GNE: variants seen among roughly 807,000 people sequenced by gnomAD.
GNE encodes bifunctional UDP-N-acetylglucosamine 2-epimerase/N-acetylmannosamine kinase.
A neutral mutation model predicts 61.8 loss-of-function variants in GNE; 41 were observed. That is an observed-to-expected ratio of 0.66 (90% confidence interval 0.52 to 0.86). The LOEUF is 0.86. GNE is among the 40% of genes least tolerant of loss of function. The pLI, the probability that GNE is intolerant of heterozygous loss-of-function variation, is 0.00. For synonymous variants in GNE, 264 were observed against 326.4 expected (o/e 0.81, Z 2.06); for missense variants, 608 against 909.1 (o/e 0.67, Z 4.26).
intron 1 of GNE, chr9:36,264,963 C>T (rs1830723203): frequency 5.2e-6 from 1 of 193,654 alleles, no homozygotes; most frequent in Non-Finnish European, 1.1e-5. Flanking sequence ...TCTTCTGGTC[C>T]GTGTTTGTAC....
At position 36,222,154 on chromosome 9, in the gene GNE, C is replaced by T. The variant is rs1274441951; in HGVS notation, c.1633+623G>A. Among the ~76,000 whole-genome samples, 3 of 152,058 alleles carry T rather than the reference C, an allele frequency of 2.0e-5. No individual in the cohort carries two copies. The East Asian group carries it at 5.8e-4, about 29-fold the overall frequency. Reference sequence around the variant, plus strand: ...AACATTTCGGCCGGGCGCGGTGGCTCACGCCTGTAATCCCAGCACTTTGGG... The same window carrying T: ...AACATTTCGGCCGGGCGCGGTGGCTTACGCCTGTAATCCCAGCACTTTGGG... On this transcript the variant is annotated intron_variant, in intron 9 of 11. Coordinates refer to ENST00000642385, the MANE Select transcript of GNE (RefSeq NM_005476.7).
rs34395954 is a variant in GNE at position 36,219,156 on chromosome 9, C to T, written c.1816+682G>A. Among the ~76,000 whole-genome samples, 434 of 152,282 alleles carry T rather than the reference C, an allele frequency of 2.8e-3. 1 individual carries two copies. Among genetic ancestry groups the T allele is most frequent in the Non-Finnish European group, 4.8e-3 (324 of 68,022 alleles). On this transcript the variant is annotated intron_variant, in intron 10 of 11. Transcript: ENST00000642385. ...TCTATACCTTCACCACCTTCCCAGTCCTTCTACCCCCACTGCCAACAGACG... is the reference window on the plus strand; with the variant it reads ...TCTATACCTTCACCACCTTCCCAGTTCTTCTACCCCCACTGCCAACAGACG...
rs143985783 is a variant in GNE, at chr9:36,234,247, T to C, written c.770-115A>G. 8,408 of 804,684 alleles carry C rather than the reference T, an allele frequency of 0.01. 66 individuals carry two copies. The highest frequency in any genetic ancestry group is 0.015 in the Non-Finnish European group (6,903 of 464,266). 49.8% of individuals were successfully genotyped at this position (804,684 alleles called of 1,614,324 possible). A position where few individuals can be genotyped will look rare whatever the true frequency, so the allele number is the denominator to read the frequency against. On this transcript the variant is annotated intron_variant, in intron 4 of 11. Coordinates refer to ENST00000642385, the MANE Select transcript of GNE (RefSeq NM_005476.7). ...CCCTAAAAAAACCTCACATCAGTTA[T>C]TAGGGAAATAGTAATTTTAACTACT...
chr9:36,243,001 AAGTGCT>A (rs2133100462), intron 3 of GNE, among the ~76,000 whole-genome samples: 1 of 152,184 alleles, frequency 6.6e-6, no homozygotes, highest in African/African-American at 2.4e-5. Flanking sequence ...GGGCCTCCCA[AAGTGCT>A]AGGGTCACAG....
Position 36,216,378 on chromosome 9 carries a change from C to T in GNE, c.*987G>A, listed in dbSNP as rs987554194. 4.2e-5 allele frequency: 11 copies of T among 264,456 alleles called. No homozygotes were observed. Among genetic ancestry groups the T allele is most frequent in the Non-Finnish European group, 6.2e-5 (8 of 128,796 alleles). The allele number at this position is 264,456 out of a possible 1,614,324, so 16.4% of individuals were successfully genotyped here. A position where few individuals can be genotyped will look rare whatever the true frequency, so the allele number is the denominator to read the frequency against. On this transcript the variant is annotated 3_prime_UTR_variant, in exon 12 of 12. Coordinates refer to ENST00000642385, the MANE Select transcript of GNE (RefSeq NM_005476.7). ...GTAGACGGAGTCTCGCTCTGTCACC[C>T]AGGGTGGAGTGCAGTGGCATGATCT... is the stretch of plus-strand genomic sequence containing the variant.
chr9:36,276,111 T>G (rs1335317870), intron 1 of GNE, among the ~76,000 whole-genome samples: 1 of 152,110 alleles, frequency 6.6e-6, no homozygotes, highest in Non-Finnish European at 1.5e-5. Context: ...AGTTGAAAGC[T>G]GCAGTGAGCT....
At chr9:36,252,246 A>G (rs1040948089) in intron 1 of GNE, among the ~76,000 whole-genome samples, 30 of 152,034 alleles carry the variant, frequency 2.0e-4, no homozygotes, top group African/African-American at 7.0e-4. Context: ...CGGCCTCCCA[A>G]AGTGCTGGGA....
intron 3 of GNE, among the ~76,000 whole-genome samples, chr9:36,239,161 GTGTGA>G (rs2133086526): frequency 6.6e-6 from 1 of 152,258 alleles, no homozygotes; most frequent in Non-Finnish European, 1.5e-5. Context: ...AAATCAGGTA[GTGTGA>G]TGCCTCCAGA....
chr9:36,238,760 C>G (rs1829512759), intron 3 of GNE, among the ~76,000 whole-genome samples: 1 of 152,098 alleles, frequency 6.6e-6, no homozygotes, highest in South Asian at 2.1e-4. Flanking sequence ...GGCTATTTAT[C>G]TTTGTTTTAT....
upstream of GNE, among the ~76,000 whole-genome samples, chr9:36,261,663 G>A (rs1414023363): frequency 6.6e-6 from 1 of 151,804 alleles, no homozygotes; most frequent in East Asian, 1.9e-4. Flanking sequence ...GCTCAAGCTT[G>A]TAATCCCAGC....
intron 1 of GNE, among the ~76,000 whole-genome samples, chr9:36,270,586 C>T (rs1353730530): frequency 3.3e-5 from 5 of 150,226 alleles, no homozygotes; most frequent in Admixed American, 1.3e-4. Context: ...GGCACGATCT[C>T]GGCTCACTGC....
chr9:36,229,897 T>C (rs1829061074), intron 5 of GNE, among the ~76,000 whole-genome samples: 1 of 151,694 alleles, frequency 6.6e-6, no homozygotes, highest in Non-Finnish European at 1.5e-5. Context: ...TTTATTTAAG[T>C]GTAGTGGCAA....
At chr9:36,220,104 AGCTTTGGCAT>A in intron 9 of GNE, 84 bp from the exon 10 acceptor site, 1 of 1,150,792 alleles carries the variant, frequency 8.7e-7, no homozygotes, top group South Asian at 1.2e-5. Context: ...TATTTAGCAG[AGCTTTGGCAT>A]GTGAGGGTCT....
rs772877458 is a variant in GNE at position 36,217,566 on chromosome 9, G to T, written c.1968C>A (p.Ile656=). The change falls in exon 12 of 12, where the codon ATC becomes ATA. Residue 656 remains isoleucine, a synonymous_variant. Transcript: ENST00000642385. The part of the protein sequence containing the change: ...GTALGLGVVN[I]LHTMNPSLVI... ...CAAGGGAGGGATTCATGGTATGGAG[G>T]ATGTTCACAACCCCAAGACCCAAAG... 7.4e-6 allele frequency: 12 copies of T among 1,613,930 alleles called. No homozygotes were observed. The highest frequency in any genetic ancestry group is 1.0e-5 in the Non-Finnish European group (12 of 1,179,780).
chr9:36,219,218 A>G (rs934940934), intron 10 of GNE, among the ~76,000 whole-genome samples: 1 of 152,076 alleles, frequency 6.6e-6, no homozygotes, highest in African/African-American at 2.4e-5. Context: ...GGGCACCACC[A>G]GGCAGTGATC....
chr9:36,260,124 A>G (rs1397546363), upstream of GNE, among the ~76,000 whole-genome samples: 1 of 151,926 alleles, frequency 6.6e-6, no homozygotes, highest in Non-Finnish European at 1.5e-5. Flanking sequence ...AGACTCAAGA[A>G]TGACCTCCGG....
At chr9:36,240,293 G>A (rs912984341) in intron 3 of GNE, among the ~76,000 whole-genome samples, 4 of 152,114 alleles carry the variant, frequency 2.6e-5, no homozygotes, top group African/African-American at 7.2e-5. Context: ...CATTAGCTGT[G>A]GGTTTGTCAT....
intron 3 of GNE, among the ~76,000 whole-genome samples, chr9:36,241,672 C>G (rs535520082): frequency 3.0e-4 from 45 of 152,194 alleles, no homozygotes; most frequent in African/African-American, 1.0e-3. Flanking sequence ...TTGTAAAGTC[C>G]TATATTTACT....
chr9:36,242,982 C>T (rs1292443842), intron 3 of GNE, among the ~76,000 whole-genome samples: 2 of 150,994 alleles, frequency 1.3e-5, no homozygotes, highest in African/African-American at 4.9e-5. Context: ...TCAAGTGATC[C>T]ACCTGCCTGG....
Sources: gnomAD v4.1 joint callset for allele counts (sites outside exome capture counted in the v4.1 genomes callset) on GRCh38, gnomAD v4.1.1 for gene constraint, MANE v1.5 for transcripts, NCBI Gene and HGNC (gene_info 2026-07-23, HGNC 2026-07-21) for gene names.